The following INPP4B variants were observed in gnomAD, a reference collection of about 807,000 sequenced individuals.
The protein encoded by INPP4B is inositol polyphosphate-4-phosphatase type II B.
In INPP4B, 55 loss-of-function variants were observed where a neutral mutation model predicts 122.5. The observed-to-expected ratio is 0.45, with a 90% CI of 0.36 to 0.56. INPP4B has a LOEUF of 0.56. Ranked by LOEUF, INPP4B falls within the 20% of genes least tolerant of loss-of-function variation. INPP4B has a pLI of 0.00. For missense variants in INPP4B, 1,000 were observed against 1,097.7 expected (o/e 0.91, Z 1.26); for synonymous variants, 403 against 388.7 (o/e 1.04, Z -0.43).
chr4:142,595,292 CAG>C (rs751705563), intron 2 of INPP4B, among the ~76,000 whole-genome samples: 1 of 152,042 alleles, frequency 6.6e-6, no homozygotes, highest in Non-Finnish European at 1.5e-5. Flanking sequence ...GCAGCTCCCA[CAG>C]AGAGTCTGGG....
intron 2 of INPP4B, among the ~76,000 whole-genome samples, chr4:142,531,621 C>T (rs949675402): frequency 6.6e-6 from 1 of 152,034 alleles, no homozygotes; most frequent in Non-Finnish European, 1.5e-5. Context: ...ATATAATCCA[C>T]ACTTTAGTAA....
intron 9 of INPP4B, among the ~76,000 whole-genome samples, chr4:142,300,294 G>A (rs72722479): frequency 0.12 from 18,321 of 152,068 alleles, 2,242 homozygotes; most frequent in African/African-American, 0.31. Context: ...TATAGAAGAC[G>A]ATGGAGCCTC....
intron 1 of INPP4B, among the ~76,000 whole-genome samples, chr4:142,772,232 T>C (rs1009751332): frequency 6.6e-6 from 1 of 152,144 alleles, no homozygotes; most frequent in Admixed American, 6.5e-5. Context: ...ATGAGGTATC[T>C]ATAATGTGGG....
chr4:142,820,906 TAGTCCG>T (rs1419856680), intron 1 of INPP4B, among the ~76,000 whole-genome samples: 1 of 152,170 alleles, frequency 6.6e-6, no homozygotes, highest in Non-Finnish European at 1.5e-5. Flanking sequence ...TTATTTAGCT[TAGTCCG>T]AGTCCTTTTA....
In INPP4B at chr4:142,424,055, TG is replaced by T. The variant is rs1482409122; in HGVS notation, c.136+5117del. Among the ~76,000 whole-genome samples, 3 of 152,160 alleles carry T rather than the reference TG, an allele frequency of 2.0e-5. No homozygotes were observed. In the East Asian group the frequency reaches 5.8e-4, roughly 30 times the overall value. The stretch of plus-strand genomic sequence containing the variant: ...CATCTTGTTCCAAACACAAACCATC[TG>T]CTCATACAGCTCTCCTACTCTAGAA... On this transcript the variant is annotated intron_variant, in intron 5 of 25. Transcript: ENST00000262992.
At chr4:142,158,605 C>T (rs1461370321) in intron 17 of INPP4B, among the ~76,000 whole-genome samples, 1 of 152,056 alleles carries the variant, frequency 6.6e-6, no homozygotes, top group African/African-American at 2.4e-5. Context: ...ATGTTTCTTT[C>T]TAAGCTTTGT....
chr4:142,419,441 G>A (rs1052974798), intron 5 of INPP4B, among the ~76,000 whole-genome samples: 1 of 152,004 alleles, frequency 6.6e-6, no homozygotes, highest in Non-Finnish European at 1.5e-5. Flanking sequence ...ATGCTCAAAC[G>A]GACTTCTGCC....
chr4:142,675,902 C>A (rs183912960), intron 2 of INPP4B, among the ~76,000 whole-genome samples: 5,265 of 152,144 alleles, frequency 0.035, 315 homozygotes, highest in African/African-American at 0.12. Flanking sequence ...ATTGAATGGG[C>A]AAAAACTGGA....
intron 1 of INPP4B, among the ~76,000 whole-genome samples, chr4:142,763,243 T>C (rs551973458): frequency 1.3e-5 from 2 of 152,314 alleles, no homozygotes; most frequent in African/African-American, 4.8e-5. Flanking sequence ...GCTTAGAAGC[T>C]TACATTTAAA....
chr4:142,790,936 C>T (rs1369686593), intron 1 of INPP4B, among the ~76,000 whole-genome samples: 1 of 152,056 alleles, frequency 6.6e-6, no homozygotes, highest in Non-Finnish European at 1.5e-5. Flanking sequence ...CACTCTCTAA[C>T]ACCAAACACA....
At chr4:142,101,407 T>C (rs2152644544) in intron 23 of INPP4B, among the ~76,000 whole-genome samples, 1 of 152,260 alleles carries the variant, frequency 6.6e-6, no homozygotes, top group East Asian at 1.9e-4. Flanking sequence ...AAGGAAATAC[T>C]TAAGTAGCTT....
At chr4:142,545,810 T>C (rs1169363799) in intron 2 of INPP4B, among the ~76,000 whole-genome samples, 55 of 67,242 alleles carry the variant, frequency 8.2e-4, no homozygotes, top group Non-Finnish European at 1.3e-3. Context: ...TATATACACA[T>C]ATACATGTGT....
chr4:142,791,233 T>C (rs563863233), intron 1 of INPP4B, among the ~76,000 whole-genome samples: 16 of 152,264 alleles, frequency 1.1e-4, no homozygotes, highest in Non-Finnish European at 1.3e-4. Flanking sequence ...TTTCAAAGCA[T>C]GGAGGCTTCA....
At chr4:142,221,389 C>CAAAAAA (rs570703001) in intron 12 of INPP4B, among the ~76,000 whole-genome samples, 25 of 28,554 alleles carry the variant, frequency 8.8e-4, no homozygotes, top group South Asian at 5.4e-3. Flanking sequence ...GACTCCTTCT[C>CAAAAAA]AAAAAAAAAA....
At chr4:142,163,316 T>C (rs1467938988) in intron 16 of INPP4B, among the ~76,000 whole-genome samples, 4 of 151,936 alleles carry the variant, frequency 2.6e-5, no homozygotes, top group Non-Finnish European at 4.4e-5. Context: ...TTGTCTGGGA[T>C]ATAAATCGCC....
chr4:142,663,281 A>G (rs1349518288), intron 2 of INPP4B, among the ~76,000 whole-genome samples: 1 of 152,216 alleles, frequency 6.6e-6, no homozygotes, highest in Non-Finnish European at 1.5e-5. Context: ...CTCTTTAAAA[A>G]CATTCAAGAA....
intron 2 of INPP4B, among the ~76,000 whole-genome samples, chr4:142,498,545 TTGGGAGGTGGAGG>T (rs1353625249): frequency 1.3e-5 from 2 of 151,998 alleles, no homozygotes; most frequent in Non-Finnish European, 1.5e-5. Flanking sequence ...TCCCAGCATT[TTGGGAGGTGGAGG>T]TGGGAGGATT....
chr4:142,429,236 A>C lies in INPP4B; in HGVS notation c.92-19T>G, dbSNP rs1294589748. On this transcript the variant is annotated intron_variant, in intron 4 of 25. Coordinates refer to ENST00000262992, the MANE Select transcript of INPP4B (RefSeq NM_001101669.3). ...TGGATACCTATAAATAATAGGAGCA[A>C]ATTCAGATTTTTAAAAAATTGAATT... 16 of 1,460,004 alleles carry C rather than the reference A, an allele frequency of 1.1e-5. No individual in the cohort carries two copies. Among genetic ancestry groups the C allele is most frequent in the Non-Finnish European group, 1.4e-5 (15 of 1,054,472 alleles). The allele number at this position is 1,460,004 out of a possible 1,614,324, so 90.4% of individuals were successfully genotyped here. A position where few individuals can be genotyped will look rare whatever the true frequency, so the allele number is the denominator to read the frequency against.
chr4:142,032,305 C>T (rs921189364), intron 25 of INPP4B, among the ~76,000 whole-genome samples: 12 of 152,008 alleles, frequency 7.9e-5, no homozygotes, highest in African/African-American at 2.9e-4. Context: ...GGGAAGTGAC[C>T]TGAACTAGTG....
Sources: allele counts gnomAD v4.1 joint callset (sites outside exome capture counted in the v4.1 genomes callset), GRCh38; gene constraint gnomAD v4.1.1; transcripts MANE v1.5; gene names NCBI Gene and HGNC (gene_info 2026-07-23, HGNC 2026-07-21).